The following HEATR5B variants were observed in gnomAD, a reference collection of about 807,000 sequenced individuals.
The protein encoded by HEATR5B is HEAT repeat-containing protein 5B.
In HEATR5B, 156 loss-of-function variants were observed where a neutral mutation model predicts 224.1. The observed-to-expected ratio is 0.70, with a 90% CI of 0.61 to 0.80. The LOEUF (loss-of-function observed/expected upper bound fraction) is 0.80, where lower values mean the gene tolerates loss of function less well. Ranked by LOEUF, HEATR5B falls within the 30% of genes least tolerant of loss-of-function variation. The pLI, the probability that HEATR5B is intolerant of heterozygous loss-of-function variation, is 0.00. For missense variants in HEATR5B, 2,323 were observed against 2,535.5 expected (o/e 0.92, Z 1.80); for synonymous variants, 1,027 against 893.0 (o/e 1.15, Z -2.68).
intron 26 of HEATR5B, among the ~76,000 whole-genome samples, chr2:37,018,958 G>A (rs1368906866): frequency 1.3e-5 from 2 of 152,102 alleles, no homozygotes; most frequent in Non-Finnish European, 2.9e-5. Context: ...TCAGGGGTTT[G>A]AGACCAGCCT....
At chr2:37,020,282 A>G (rs1228836085) in intron 25 of HEATR5B, among the ~76,000 whole-genome samples, 1 of 152,206 alleles carries the variant, frequency 6.6e-6, no homozygotes, top group African/African-American at 2.4e-5. Context: ...ATCTATTTCT[A>G]AAAATGCTTA....
In HEATR5B at chr2:37,037,851, T is replaced by G. The variant is rs1387501909; in HGVS notation, c.3216+4A>C. On this transcript the variant is annotated splice_donor_region_variant and intron_variant, in intron 21 of 35. Coordinates refer to ENST00000233099, the MANE Select transcript of HEATR5B (RefSeq NM_019024.3). ...ATCAATGAATGAAATAGCTCTATAC[T>G]TACACAAAGGCTAGGAACAAGGCTA... 6.6e-7 allele frequency: 1 copy of G among 1,516,786 alleles called. No individual in the cohort carries two copies. Among genetic ancestry groups the G allele is most frequent in the Non-Finnish European group, 8.9e-7 (1 of 1,128,766 alleles). The allele number at this position is 1,516,786 out of a possible 1,614,324, so 94.0% of individuals were successfully genotyped here.
intron 35 of HEATR5B, among the ~76,000 whole-genome samples, chr2:36,984,428 T>C (rs1348821573): frequency 6.6e-6 from 1 of 151,668 alleles, no homozygotes; most frequent in Non-Finnish European, 1.5e-5. Context: ...CGTATAGAAT[T>C]CACCAAGAGA....
At position 36,988,716 on chromosome 2, in the gene HEATR5B, T is replaced by C; in HGVS notation, c.5841A>G (p.Ile1947Met). ...AVERNRPASN[I>M]ELLAVQEGIK... ...TTCCTTCTTGAACCGCTAAAAGCTC[T>C]ATGTTACTGGCTGGTCTGTTTCTTT... is the stretch of plus-strand genomic sequence containing the variant. Residue 1947 changes from isoleucine to methionine, a missense_variant, in exon 35 of 36, where the codon ATA becomes ATG. By Grantham distance (10) the Ile-to-Met change is conservative. Transcript: ENST00000233099. 6.2e-7 allele frequency: 1 copy of C among 1,614,210 alleles called. No homozygotes were observed. The highest frequency in any genetic ancestry group is 8.5e-7 in the Non-Finnish European group (1 of 1,180,032).
intron 33 of HEATR5B, 105 bp from the exon 34 acceptor site, chr2:36,990,904 G>T (rs1666283629): frequency 3.2e-6 from 3 of 928,886 alleles, no homozygotes; most frequent in Non-Finnish European, 4.6e-6. Context: ...TGTCCAGGCT[G>T]GTCTTGAACT....
At chr2:36,997,088 T>C (rs971618239) in intron 33 of HEATR5B, among the ~76,000 whole-genome samples, 10 of 151,766 alleles carry the variant, frequency 6.6e-5, no homozygotes, top group Admixed American at 6.6e-4. Flanking sequence ...ATTAATGATA[T>C]CAACACAGAC....
rs745916507 is a variant in HEATR5B, at chr2:37,041,118, C to A, written c.2856+15G>T. ...TTTCTAAACTTTTGTAATAAAAAAACCAATTATATTATACCTGGACTTCAG... is the reference window on the plus strand; with the variant it reads ...TTTCTAAACTTTTGTAATAAAAAAAACAATTATATTATACCTGGACTTCAG... On this transcript the variant is annotated intron_variant, in intron 19 of 35. Transcript: ENST00000233099. 2.4e-5 allele frequency: 38 copies of A among 1,586,266 alleles called. No individual in the cohort carries two copies. In the East Asian group the frequency reaches 4.0e-4, roughly 17 times the overall value.
At chr2:36,996,700 C>T (rs1003225299) in intron 33 of HEATR5B, among the ~76,000 whole-genome samples, 1 of 152,120 alleles carries the variant, frequency 6.6e-6, no homozygotes, top group South Asian at 2.1e-4. Flanking sequence ...TCAAGAGATT[C>T]TCCTGCCTCA....
intron 17 of HEATR5B, among the ~76,000 whole-genome samples, chr2:37,053,023 G>A (rs751340436): frequency 6.6e-6 from 1 of 152,218 alleles, no homozygotes; most frequent in South Asian, 2.1e-4. Flanking sequence ...CTTCATACCT[G>A]TAGAAACTAC....
chr2:37,075,648 C>T lies in HEATR5B; in HGVS notation c.448-14G>A. On this transcript the variant is annotated splice_polypyrimidine_tract_variant and intron_variant, in intron 4 of 35. Coordinates refer to ENST00000233099, the MANE Select transcript of HEATR5B (RefSeq NM_019024.3). ...TCGCCCTTGAGACTAGACATGTATA[C>T]AAAACAAAACTATTTTGTAAAATAA... The T allele has an allele frequency of 6.3e-7, 1 of 1,580,480 alleles. No homozygotes were observed. Among genetic ancestry groups the T allele is most frequent in the Non-Finnish European group, 8.6e-7 (1 of 1,162,850 alleles).
Position 37,000,607 on chromosome 2 carries a change from T to C in HEATR5B, c.5524A>G (p.Ile1842Val). The change falls in exon 33 of 36, where the codon ATC (isoleucine) becomes GTC (valine). Residue 1842 changes from isoleucine (I) to valine (V), a missense_variant. Coordinates refer to ENST00000233099, the MANE Select transcript of HEATR5B (RefSeq NM_019024.3). The part of the protein sequence containing the change: ...TALIRSTLAC[I>V]LEYSQPEDSV... ...TTACCTGGTTGAGAATATTCCAGGATGCAAGCAAGCGTGCTACGAATCAGA... is the reference window on the plus strand; with the variant it reads ...TTACCTGGTTGAGAATATTCCAGGACGCAAGCAAGCGTGCTACGAATCAGA... 1 of 1,614,206 alleles carries C rather than the reference T, an allele frequency of 6.2e-7. No homozygotes were observed. Among genetic ancestry groups the C allele is most frequent in the Non-Finnish European group, 8.5e-7 (1 of 1,180,002 alleles).
In HEATR5B at chr2:37,014,018, T is replaced by A; in HGVS notation, c.4107A>T (p.Val1369=). Residue 1369 remains valine (V), a splice_region_variant and synonymous_variant, in exon 27 of 36, where the codon GTA becomes GTT. Coordinates refer to ENST00000233099, the MANE Select transcript of HEATR5B (RefSeq NM_019024.3). The part of the protein sequence containing the change: ...PSDIIAKACQ[V]CSTWIGSGVV... Reference sequence around the variant, plus strand: ...CTCCACTTCCTATCCATGTACTACATACCTAGACAAAGAGAATTCAAAAAC... The same window carrying A: ...CTCCACTTCCTATCCATGTACTACAAACCTAGACAAAGAGAATTCAAAAAC... The A allele has an allele frequency of 1.3e-6, 2 of 1,535,428 alleles. No homozygotes were observed. The highest frequency in any genetic ancestry group is 1.8e-6 in the Non-Finnish European group (2 of 1,136,100).
At chr2:36,986,489 CA>C (rs1382927934) in intron 35 of HEATR5B, among the ~76,000 whole-genome samples, 1 of 152,074 alleles carries the variant, frequency 6.6e-6, no homozygotes, top group Non-Finnish European at 1.5e-5. Flanking sequence ...AATCGCTTTT[CA>C]AAAATCTCCA....
intron 12 of HEATR5B, among the ~76,000 whole-genome samples, chr2:37,059,949 T>G (rs1022272472): frequency 2.6e-5 from 4 of 152,142 alleles, no homozygotes; most frequent in Non-Finnish European, 5.9e-5. Flanking sequence ...TGGTGAAACA[T>G]GTATCTCTCT....
chr2:37,077,014 G>T lies in HEATR5B; in HGVS notation c.344C>A (p.Ala115Glu), dbSNP rs1468465476. ...TAAYLPTKLAAVACVGAFYEK... is the reference protein window; with the variant it reads ...TAAYLPTKLAEVACVGAFYEK... ...ATAAAATGCTCCGACACAAGCCACCGCAGCCCTGTAAGAAGTGACAACTTC... is the reference window on the plus strand; with the variant it reads ...ATAAAATGCTCCGACACAAGCCACCTCAGCCCTGTAAGAAGTGACAACTTC... Residue 115 changes from alanine to glutamate, a missense_variant, in exon 4 of 36, where the codon GCG becomes GAG. Transcript: ENST00000233099. 1 of 1,612,468 alleles carries T rather than the reference G, an allele frequency of 6.2e-7. No individual in the cohort carries two copies. Among genetic ancestry groups the T allele is most frequent in the Non-Finnish European group, 8.5e-7 (1 of 1,178,702 alleles).
chr2:37,002,876 G>C (rs1481542086), intron 31 of HEATR5B, among the ~76,000 whole-genome samples: 1 of 152,188 alleles, frequency 6.6e-6, no homozygotes, highest in Non-Finnish European at 1.5e-5. Flanking sequence ...GTGAAAAATA[G>C]TCGACTCTCA....
chr2:37,063,007 C>T (rs1026871029), intron 10 of HEATR5B, among the ~76,000 whole-genome samples: 1 of 151,952 alleles, frequency 6.6e-6, no homozygotes, highest in African/African-American at 2.4e-5. Flanking sequence ...ACTATGTTTC[C>T]CAGGTTGGTC....
intron 26 of HEATR5B, among the ~76,000 whole-genome samples, chr2:37,017,318 G>T (rs1389264448): frequency 6.6e-6 from 1 of 151,824 alleles, no homozygotes; most frequent in South Asian, 2.1e-4. Flanking sequence ...GCTTGAACTC[G>T]GGAGGCGGAG....
chr2:37,027,570 A>G (rs1444255578), intron 24 of HEATR5B, among the ~76,000 whole-genome samples: 1 of 152,216 alleles, frequency 6.6e-6, no homozygotes, highest in East Asian at 1.9e-4. Context: ...CACTTTATTT[A>G]TATGCCTTAA....
Sources: allele counts gnomAD v4.1 joint callset (sites outside exome capture counted in the v4.1 genomes callset), GRCh38; gene constraint gnomAD v4.1.1; transcripts MANE v1.5; gene names NCBI Gene and HGNC (gene_info 2026-07-23, HGNC 2026-07-21).